Variants in B4GALT5 observed in about 807,000 individuals in gnomAD.
B4GALT5 encodes UDP-Gal:beta-GlcNAc beta-1,4-galactosyltransferase 5.
A neutral mutation model predicts 45.0 loss-of-function variants in B4GALT5; 11 were observed. That is an observed-to-expected ratio of 0.24 (90% CI 0.15 to 0.40). The LOEUF is 0.40. Among genes scored for constraint, B4GALT5 ranks in the 10% least tolerant of loss-of-function variants. The pLI, the probability that B4GALT5 is intolerant of heterozygous loss-of-function variation, is 1.00. For synonymous variants in B4GALT5, 185 were observed against 182.9 expected (o/e 1.01, Z -0.09); for missense variants, 337 against 500.2 (o/e 0.67, Z 3.11).
At chr20:49,687,462 G>A (rs1223204706) in intron 1 of B4GALT5, among the ~76,000 whole-genome samples, 1 of 152,090 alleles carries the variant, frequency 6.6e-6, no homozygotes, top group Non-Finnish European at 1.5e-5. Flanking sequence ...TGGCCAACAT[G>A]GTGAAACCCT....
chr20:49,703,422 T>C (rs559870051), intron 1 of B4GALT5, among the ~76,000 whole-genome samples: 16 of 152,162 alleles, frequency 1.1e-4, no homozygotes, highest in South Asian at 2.1e-4. Context: ...CAGACAATAG[T>C]TTCTTCTTTC....
At chr20:49,697,240 T>A (rs2085842953) in intron 1 of B4GALT5, among the ~76,000 whole-genome samples, 1 of 152,226 alleles carries the variant, frequency 6.6e-6, no homozygotes, top group Non-Finnish European at 1.5e-5. Context: ...CCCAGGCAGT[T>A]GTTGTCTGCT....
At chr20:49,703,826 T>C (rs182874420) in intron 1 of B4GALT5, among the ~76,000 whole-genome samples, 106 of 151,616 alleles carry the variant, frequency 7.0e-4, no homozygotes, top group African/African-American at 2.3e-3. Flanking sequence ...GAAGCAGGGG[T>C]TGCAGTGAGC....
intron 1 of B4GALT5, among the ~76,000 whole-genome samples, chr20:49,667,764 T>A (rs1167633702): frequency 6.6e-6 from 1 of 152,192 alleles, no homozygotes; most frequent in Non-Finnish European, 1.5e-5. Context: ...GCTTCCAATA[T>A]TCCACTTCAG....
chr20:49,664,471 C>G (rs2085680547), intron 1 of B4GALT5, among the ~76,000 whole-genome samples: 2 of 141,704 alleles, frequency 1.4e-5, no homozygotes, highest in African/African-American at 5.2e-5. Context: ...CACACACACA[C>G]TTTAGATTCT....
In B4GALT5 at chr20:49,695,763, T is replaced by C. The variant is rs1428017236; in HGVS notation, c.115+17813A>G. On this transcript the variant is annotated intron_variant, in intron 1 of 8. Coordinates refer to ENST00000371711, the MANE Select transcript of B4GALT5 (RefSeq NM_004776.4). ...AGCAGAACTATTTAATATAATCACC[T>C]TTGTAGAAAAGAATAAACTGCATGA... Among the ~76,000 whole-genome samples the C allele has an allele frequency of 2.6e-5, 4 of 152,110 alleles. 1 individual carries two copies. In the East Asian group the frequency reaches 7.7e-4, roughly 29 times the overall value.
At position 49,688,734 on chromosome 20, in the gene B4GALT5, T is replaced by G. The variant is rs557050202; in HGVS notation, c.115+24842A>C. On this transcript the variant is annotated intron_variant, in intron 1 of 8. Transcript: ENST00000371711. ...CAGGCAGATCACCTAAGGTCAGGAG[T>G]TCGAGACCAGCCTGACCAACGTGGA... is the stretch of plus-strand genomic sequence containing the variant. Among the ~76,000 whole-genome samples the G allele has an allele frequency of 2.0e-5, 3 of 151,728 alleles. No individual in the cohort carries two copies. The East Asian group carries it at 5.8e-4, about 29-fold the overall frequency.
intron 1 of B4GALT5, among the ~76,000 whole-genome samples, chr20:49,671,830 G>A (rs564649079): frequency 1.5e-5 from 2 of 136,484 alleles, no homozygotes; most frequent in South Asian, 5.2e-4. Context: ...GCTGCCTTTG[G>A]GCAGGGTCTT....
intron 8 of B4GALT5, among the ~76,000 whole-genome samples, chr20:49,636,937 A>ACACACACACAC (rs1568713576): frequency 1.8e-4 from 12 of 64,900 alleles, no homozygotes; most frequent in South Asian, 7.5e-4. Context: ...CACACACACA[A>ACACACACACAC]AGAAAGAAAA....
At chr20:49,653,559 A>G (rs890386779) in intron 2 of B4GALT5, among the ~76,000 whole-genome samples, 3 of 152,270 alleles carry the variant, frequency 2.0e-5, no homozygotes, top group African/African-American at 7.2e-5. Flanking sequence ...TCAGAGAATC[A>G]GCAAACCCTA....
Position 49,636,097 on chromosome 20 carries a change from A to AG in B4GALT5, c.*214dup. 1 of 593,100 alleles carries AG rather than the reference A, an allele frequency of 1.7e-6. No homozygotes were observed. Among genetic ancestry groups the AG allele is most frequent in the Non-Finnish European group, 2.9e-6 (1 of 340,480 alleles). 36.7% of individuals were successfully genotyped at this position (593,100 alleles called of 1,614,324 possible). A position where few individuals can be genotyped will look rare whatever the true frequency, so the allele number is the denominator to read the frequency against. On this transcript the variant is annotated 3_prime_UTR_variant, in exon 9 of 9. Transcript: ENST00000371711. ...GAAAACAGAAAGCCAGTGCTGACGA[A>AG]GGAAGTCCCCAAGCTCACTCCCTCA...
rs370923599 is a variant in B4GALT5, at chr20:49,685,278, GTCTCTAAAAGGAACT to G, written c.115+28283_115+28297del. 8.4e-4 allele frequency among the ~76,000 whole-genome samples: 128 copies of G among 152,292 alleles called. 2 individuals carry two copies. The East Asian group carries it at 0.017, about 20-fold the overall frequency. On this transcript the variant is annotated intron_variant, in intron 1 of 8. Coordinates refer to ENST00000371711, the MANE Select transcript of B4GALT5 (RefSeq NM_004776.4). ...CTAGGAACACTTTCTCCATGTTGCC[GTCTCTAAAAGGAACT>G]TCAGCAGGTGCAGTGGGTGCCTCCT...
intron 1 of B4GALT5, among the ~76,000 whole-genome samples, chr20:49,669,232 C>A (rs2085705355): frequency 6.6e-6 from 1 of 152,144 alleles, no homozygotes; most frequent in Non-Finnish European, 1.5e-5. Context: ...GAACTGCCTA[C>A]ACCTATCTTT....
At position 49,697,337 on chromosome 20, in the gene B4GALT5, C is replaced by T. The variant is rs76082023; in HGVS notation, c.115+16239G>A. Among the ~76,000 whole-genome samples, 406 of 152,358 alleles carry T rather than the reference C, an allele frequency of 2.7e-3. 5 individuals are homozygous for T. The highest frequency in any genetic ancestry group is 2.4e-3 in the Non-Finnish European group (165 of 68,034). On this transcript the variant is annotated intron_variant, in intron 1 of 8. Transcript: ENST00000371711. ...GGGAGCACAGCCTGGAAGGTTTACC[C>T]TTCGCAGAGACGCTTGCTCTTGGAC...
At chr20:49,683,138 C>T (rs1482428266) in intron 1 of B4GALT5, among the ~76,000 whole-genome samples, 1 of 151,920 alleles carries the variant, frequency 6.6e-6, no homozygotes, top group Non-Finnish European at 1.5e-5. Context: ...ACGACATATG[C>T]TTATATACAA....
intron 5 of B4GALT5, among the ~76,000 whole-genome samples, chr20:49,641,299 T>C (rs990333890): frequency 1.3e-5 from 2 of 152,238 alleles, no homozygotes; most frequent in Non-Finnish European, 2.9e-5. Flanking sequence ...TTCTACTCCT[T>C]ACCACTTGCT....
chr20:49,669,220 T>G (rs1472857271), intron 1 of B4GALT5, among the ~76,000 whole-genome samples: 1 of 152,058 alleles, frequency 6.6e-6, no homozygotes, highest in African/African-American at 2.4e-5. Flanking sequence ...CCCCCAAGAT[T>G]AGAACTGCCT....
At position 49,634,662 on chromosome 20, in the gene B4GALT5, G is replaced by C. The variant is rs1012773802; in HGVS notation, c.*1650C>G. On this transcript the variant is annotated 3_prime_UTR_variant, in exon 9 of 9. Coordinates refer to ENST00000371711, the MANE Select transcript of B4GALT5 (RefSeq NM_004776.4). Reference sequence around the variant, plus strand: ...GCGGATTGCTTGAGTCCAGGAGTTCGAGACCAGCCTGGGCAACATGGAAGA... The same window carrying C: ...GCGGATTGCTTGAGTCCAGGAGTTCCAGACCAGCCTGGGCAACATGGAAGA... 3 of 152,186 alleles carry C rather than the reference G, an allele frequency of 2.0e-5. No homozygotes were observed. Among genetic ancestry groups the C allele is most frequent in the African/African-American group, 7.2e-5 (3 of 41,392 alleles). The allele number at this position is 152,186 out of a possible 1,614,324, so 9.4% of individuals were successfully genotyped here. A position where few individuals can be genotyped will look rare whatever the true frequency, so the allele number is the denominator to read the frequency against.
chr20:49,683,706 G>T (rs748839484), intron 1 of B4GALT5, among the ~76,000 whole-genome samples: 1 of 151,866 alleles, frequency 6.6e-6, no homozygotes, highest in Non-Finnish European at 1.5e-5. Flanking sequence ...CACTGCGCCC[G>T]GCCTAGACAG....
Sources: gnomAD v4.1 joint callset for allele counts (sites outside exome capture counted in the v4.1 genomes callset) on GRCh38, gnomAD v4.1.1 for gene constraint, MANE v1.5 for transcripts, NCBI Gene and HGNC (gene_info 2026-07-23, HGNC 2026-07-21) for gene names.